The following KCNAB1 variants were observed in gnomAD, a reference collection of about 807,000 sequenced individuals.
KCNAB1 encodes the protein potassium voltage-gated channel subfamily A regulatory beta subunit 1, also known as voltage-gated potassium channel subunit beta-1.
Under a neutral mutation model 64.6 loss-of-function variants are expected in KCNAB1, and 35 were observed. The observed-to-expected ratio is 0.54, with a 90% CI of 0.41 to 0.72. The LOEUF (loss-of-function observed/expected upper bound fraction) is 0.72. KCNAB1 is among the 30% of genes least tolerant of loss of function. KCNAB1 has a pLI of 0.00. For synonymous variants in KCNAB1, 177 were observed against 183.8 expected (o/e 0.96, Z 0.30); for missense variants, 401 against 512.9 (o/e 0.78, Z 2.11).
At chr3:156,247,893 G>A (rs1717563422) in intron 1 of KCNAB1, among the ~76,000 whole-genome samples, 1 of 152,000 alleles carries the variant, frequency 6.6e-6, no homozygotes, top group East Asian at 1.9e-4. Flanking sequence ...TGTGTCACCA[G>A]CAACTGTGTT....
chr3:156,259,353 C>T (rs967380941), intron 1 of KCNAB1, among the ~76,000 whole-genome samples: 1 of 152,192 alleles, frequency 6.6e-6, no homozygotes, highest in Non-Finnish European at 1.5e-5. Flanking sequence ...AATGTTCTTT[C>T]TATCAAGTCA....
At chr3:156,284,279 A>G (rs59775519) in intron 1 of KCNAB1, among the ~76,000 whole-genome samples, 9,092 of 151,850 alleles carry the variant, frequency 0.06, 629 homozygotes, top group South Asian at 0.22. Context: ...TAGGCTGCTC[A>G]GGGGTCAGGG....
intron 1 of KCNAB1, among the ~76,000 whole-genome samples, chr3:156,297,479 C>T (rs1177349127): frequency 6.8e-6 from 1 of 148,132 alleles, no homozygotes; most frequent in Non-Finnish European, 1.5e-5. Flanking sequence ...GCAGTTGTTC[C>T]AGAAAAAAAA....
intron 1 of KCNAB1, among the ~76,000 whole-genome samples, chr3:156,348,855 C>T (rs1445575578): frequency 1.3e-5 from 2 of 152,154 alleles, no homozygotes; most frequent in African/African-American, 4.8e-5. Flanking sequence ...AAAAGCTCAG[C>T]TGAATAATTA....
chr3:156,444,895 T>C (rs981841427), intron 2 of KCNAB1, among the ~76,000 whole-genome samples: 3 of 152,240 alleles, frequency 2.0e-5, no homozygotes, highest in African/African-American at 7.2e-5. Flanking sequence ...ATCCCAGCTT[T>C]TACTCCACCA....
intron 1 of KCNAB1, among the ~76,000 whole-genome samples, chr3:156,154,124 G>A (rs984937955): frequency 1.3e-5 from 2 of 152,156 alleles, no homozygotes; most frequent in Non-Finnish European, 2.9e-5. Flanking sequence ...TGAGACACTC[G>A]TTGCTTTCAC....
chr3:156,273,121 C>G (rs1719128088), intron 1 of KCNAB1, among the ~76,000 whole-genome samples: 1 of 139,754 alleles, frequency 7.2e-6, no homozygotes, highest in Admixed American at 6.8e-5. Context: ...CTCTCCTCTC[C>G]TCAAGTGAAA....
chr3:156,442,500 C>G (rs1209815219), intron 2 of KCNAB1, among the ~76,000 whole-genome samples: 1 of 152,190 alleles, frequency 6.6e-6, no homozygotes, highest in African/African-American at 2.4e-5. Flanking sequence ...TTCCTTGGCA[C>G]TGAAATACAT....
chr3:156,196,573 T>A (rs1164956030), intron 1 of KCNAB1, among the ~76,000 whole-genome samples: 1 of 152,182 alleles, frequency 6.6e-6, no homozygotes, highest in African/African-American at 2.4e-5. Context: ...TTGTAGCAAC[T>A]GTGAATGGGA....
chr3:156,529,491 T>TAAA (rs11445692), intron 12 of KCNAB1, among the ~76,000 whole-genome samples: 2 of 146,016 alleles, frequency 1.4e-5, no homozygotes, highest in Non-Finnish European at 3.0e-5. Context: ...TAAAGTTGGT[T>TAAA]AAAAAAAAAA....
At chr3:156,313,311 G>C (rs1722052743) in intron 1 of KCNAB1, among the ~76,000 whole-genome samples, 1 of 152,106 alleles carries the variant, frequency 6.6e-6, no homozygotes, top group Admixed American at 6.5e-5. Context: ...ACTGTGGTAG[G>C]TTGAATAATG....
chr3:156,135,263 C>T (rs1287222522), intron 1 of KCNAB1, among the ~76,000 whole-genome samples: 1 of 152,124 alleles, frequency 6.6e-6, no homozygotes, highest in Admixed American at 6.5e-5. Flanking sequence ...TCCCAAAGTG[C>T]TGGGTTTACA....
At chr3:156,129,276 G>A (rs1290856918) in intron 1 of KCNAB1, among the ~76,000 whole-genome samples, 2 of 151,940 alleles carry the variant, frequency 1.3e-5, no homozygotes, top group African/African-American at 4.8e-5. Context: ...ACTCCATATC[G>A]AAGGTCAACC....
intron 1 of KCNAB1, among the ~76,000 whole-genome samples, chr3:156,229,114 CA>C (rs2108431529): frequency 6.6e-6 from 1 of 152,274 alleles, no homozygotes; most frequent in Non-Finnish European, 1.5e-5. Flanking sequence ...TTAAAAAGAA[CA>C]AGACTATTTT....
chr3:156,316,855 C>A (rs1422664080), intron 1 of KCNAB1, among the ~76,000 whole-genome samples: 1 of 152,114 alleles, frequency 6.6e-6, no homozygotes, highest in East Asian at 1.9e-4. Context: ...AGATGAAATC[C>A]ATGAAGGTCA....
chr3:156,344,406 C>T (rs1285690174), intron 1 of KCNAB1, among the ~76,000 whole-genome samples: 1 of 152,148 alleles, frequency 6.6e-6, no homozygotes, highest in Non-Finnish European at 1.5e-5. Flanking sequence ...GACTGCCTAC[C>T]CCTCACCACA....
chr3:156,240,370 A>T lies in KCNAB1; in HGVS notation c.275+119484A>T, dbSNP rs933473811. Among the ~76,000 whole-genome samples the T allele has an allele frequency of 2.0e-5, 3 of 151,998 alleles. No homozygotes were observed. In the South Asian group the frequency reaches 6.3e-4, roughly 32 times the overall value. ...CAATTAAATTAAATCAAAATAGTAC[A>T]TACTAGTAGTAATGCTATTAAAATA... On this transcript the variant is annotated intron_variant, in intron 1 of 13. Coordinates refer to ENST00000490337, the MANE Select transcript of KCNAB1 (RefSeq NM_172160.3).
intron 1 of KCNAB1, among the ~76,000 whole-genome samples, chr3:156,249,599 G>A (rs554411950): frequency 6.6e-6 from 1 of 151,694 alleles, no homozygotes; most frequent in Admixed American, 6.6e-5. Context: ...AGAAAAAAAA[G>A]TAAATGCAGA....
intron 1 of KCNAB1, among the ~76,000 whole-genome samples, chr3:156,249,608 G>A (rs1717698500): frequency 6.6e-6 from 1 of 151,612 alleles, no homozygotes; most frequent in Admixed American, 6.6e-5. Context: ...AGTAAATGCA[G>A]AGGACCTGAC....
Sources: allele counts gnomAD v4.1 joint callset (sites outside exome capture counted in the v4.1 genomes callset), GRCh38; gene constraint gnomAD v4.1.1; transcripts MANE v1.5; gene names NCBI Gene and HGNC (gene_info 2026-07-23, HGNC 2026-07-21).